DLG2: variants seen among roughly 807,000 people sequenced by gnomAD.
DLG2 encodes the protein discs large MAGUK scaffold protein 2.
DLG2 carries 45 observed loss-of-function variants against 132.5 expected under a neutral mutation model. The observed-to-expected ratio is 0.34, with a 90% CI of 0.27 to 0.44. DLG2 has a LOEUF of 0.44. Among genes scored for constraint, DLG2 ranks in the 20% least tolerant of loss-of-function variants. The pLI is 1.00. For missense variants in DLG2, 1,045 were observed against 1,196.9 expected (o/e 0.87, Z 1.87); for synonymous variants, 424 against 419.6 (o/e 1.01, Z -0.13).
In DLG2 at chr11:85,598,772, T is replaced by C; in HGVS notation, c.-76A>G. The stretch of plus-strand genomic sequence containing the variant: ...TTTTGCAGTATTCTTCCAGTAATGA[T>C]AAAGCTCGGTCAGTATCTGAAAAAC... On this transcript the variant is annotated 5_prime_UTR_variant, in exon 3 of 28. Coordinates refer to ENST00000376104, the MANE Select transcript of DLG2 (RefSeq NM_001142699.3). The C allele has an allele frequency of 1.7e-6, 2 of 1,202,086 alleles. No individual in the cohort carries two copies. The highest frequency in any genetic ancestry group is 2.3e-6 in the Non-Finnish European group (2 of 857,298). 74.5% of individuals were successfully genotyped at this position (1,202,086 alleles called of 1,614,324 possible).
At chr11:84,017,186 TAAA>T (rs1266319398) in intron 11 of DLG2, among the ~76,000 whole-genome samples, 4 of 152,064 alleles carry the variant, frequency 2.6e-5, no homozygotes, top group Non-Finnish European at 5.9e-5. Context: ...CAATGAATTT[TAAA>T]AAGGGGTATT....
Position 83,965,312 on chromosome 11 carries a change from A to C in DLG2, c.1201+12T>G. 4 of 1,596,302 alleles carry C rather than the reference A, an allele frequency of 2.5e-6. No individual in the cohort carries two copies. On this transcript the variant is annotated intron_variant, in intron 13 of 27. Transcript: ENST00000376104. The stretch of plus-strand genomic sequence containing the variant: ...GTCTGGCATGCTATTTGAAGATGAC[A>C]ATGGTACTTACAGTGAGTAATATCA...
intron 6 of DLG2, among the ~76,000 whole-genome samples, chr11:85,097,524 T>C (rs2070065966): frequency 6.6e-6 from 1 of 152,244 alleles, no homozygotes; most frequent in African/African-American, 2.4e-5. Flanking sequence ...ATAATGGTGA[T>C]GAGCTATAGA....
rs530792530 is a variant in DLG2, at chr11:85,510,444, T to C, written c.40+88213A>G. Among the ~76,000 whole-genome samples the C allele has an allele frequency of 2.0e-5, 3 of 152,022 alleles. No homozygotes were observed. In the South Asian group the frequency reaches 6.2e-4, roughly 32 times the overall value. Reference sequence around the variant, plus strand: ...CAGAGTGAACAGGCAACCTACAGAATGGGAGAAAATTCTTGCAACCTACTC... The same window carrying C: ...CAGAGTGAACAGGCAACCTACAGAACGGGAGAAAATTCTTGCAACCTACTC... On this transcript the variant is annotated intron_variant, in intron 3 of 27. Coordinates refer to ENST00000376104, the MANE Select transcript of DLG2 (RefSeq NM_001142699.3).
chr11:84,150,456 T>C (rs1007480021), intron 9 of DLG2, among the ~76,000 whole-genome samples: 1 of 152,210 alleles, frequency 6.6e-6, no homozygotes, highest in Non-Finnish European at 1.5e-5. Flanking sequence ...TCATCAGTTC[T>C]AGGAGCTTTT....
At chr11:85,387,540 A>G (rs2086446440) in intron 3 of DLG2, among the ~76,000 whole-genome samples, 1 of 152,208 alleles carries the variant, frequency 6.6e-6, no homozygotes, top group Non-Finnish European at 1.5e-5. Context: ...TAGCCATGTC[A>G]GCTGACAAAT....
chr11:85,056,351 TA>T lies in DLG2; in HGVS notation c.357+55309del, dbSNP rs530208991. 3.2e-4 allele frequency among the ~76,000 whole-genome samples: 48 copies of T among 152,048 alleles called. No individual in the cohort carries two copies. In the South Asian group the frequency reaches 8.7e-3, roughly 28 times the overall value. ...AAAGAATCAATGAAAATTCAAAAAC[TA>T]AAAAATTCAATAAGTGAAATTCAGA... is the stretch of plus-strand genomic sequence containing the variant. On this transcript the variant is annotated intron_variant, in intron 6 of 27. Transcript: ENST00000376104.
intron 3 of DLG2, chr11:85,286,080 A>C (rs1191445797): frequency 2.3e-6 from 1 of 443,780 alleles, no homozygotes; most frequent in Admixed American, 2.6e-5. Context: ...GTCAACAGGA[A>C]AAAAAAAGTA....
In DLG2 at chr11:85,410,247, C is replaced by T. The variant is rs941855481; in HGVS notation, c.41-124882G>A. On this transcript the variant is annotated intron_variant, in intron 3 of 27. Transcript: ENST00000376104. Reference sequence around the variant, plus strand: ...CACCTCATTTTTTATATTACAGATACACTGCATTTCATCTTCTTCAAAGTG... The same window carrying T: ...CACCTCATTTTTTATATTACAGATATACTGCATTTCATCTTCTTCAAAGTG... Among the ~76,000 whole-genome samples the T allele has an allele frequency of 4.6e-5, 7 of 151,924 alleles. No homozygotes were observed. The South Asian group carries it at 6.2e-4, about 13-fold the overall frequency.
chr11:84,351,954 C>A (rs766970231), intron 7 of DLG2, among the ~76,000 whole-genome samples: 32 of 152,122 alleles, frequency 2.1e-4, no homozygotes, highest in Non-Finnish European at 4.0e-4. Context: ...ATTAGGATTG[C>A]TAGATTCAGA....
intron 11 of DLG2, among the ~76,000 whole-genome samples, chr11:84,040,538 C>T (rs975848937): frequency 4.0e-4 from 61 of 151,958 alleles, no homozygotes; most frequent in Middle Eastern, 6.8e-3. Context: ...TGTAGATATG[C>T]GGCATTATTT....
intron 15 of DLG2, among the ~76,000 whole-genome samples, chr11:83,889,510 G>A (rs941869924): frequency 1.3e-5 from 2 of 152,200 alleles, no homozygotes; most frequent in African/African-American, 4.8e-5. Flanking sequence ...CTGTTGGTGG[G>A]ACTGTAAACT....
chr11:83,933,144 C>T (rs1427603264), intron 14 of DLG2, among the ~76,000 whole-genome samples: 1 of 152,194 alleles, frequency 6.6e-6, no homozygotes, highest in Non-Finnish European at 1.5e-5. Flanking sequence ...TCACTGAAAT[C>T]TGGGTGGCAG....
At chr11:84,987,108 T>C (rs1199394075) in intron 6 of DLG2, among the ~76,000 whole-genome samples, 3 of 152,128 alleles carry the variant, frequency 2.0e-5, no homozygotes, top group Non-Finnish European at 2.9e-5. Flanking sequence ...AGCACTTCTG[T>C]ACACCAACAG....
At chr11:84,626,095 CTATTATCTTT>C (rs1400035038) in intron 6 of DLG2, among the ~76,000 whole-genome samples, 1 of 152,156 alleles carries the variant, frequency 6.6e-6, no homozygotes, top group African/African-American at 2.4e-5. Context: ...TGATTCAGAT[CTATTATCTTT>C]TATTATGAAA....
intron 4 of DLG2, among the ~76,000 whole-genome samples, chr11:85,223,607 C>A (rs2074796498): frequency 6.6e-6 from 1 of 152,012 alleles, no homozygotes; most frequent in East Asian, 1.9e-4. Context: ...CCACTGCACT[C>A]CAGTTTGGGC....
At chr11:84,593,264 A>G (rs763323343) in intron 6 of DLG2, among the ~76,000 whole-genome samples, 1 of 152,190 alleles carries the variant, frequency 6.6e-6, no homozygotes, top group Non-Finnish European at 1.5e-5. Context: ...AGAACCAGAA[A>G]TACCATTTGA....
chr11:83,551,038 G>T (rs1303331468), intron 19 of DLG2, among the ~76,000 whole-genome samples: 2 of 152,160 alleles, frequency 1.3e-5, no homozygotes, highest in African/African-American at 2.4e-5. Context: ...GGTAAACTCA[G>T]ATAGTCCTGG....
intron 7 of DLG2, among the ~76,000 whole-genome samples, chr11:84,403,245 C>T (rs190350409): frequency 3.3e-5 from 5 of 152,214 alleles, no homozygotes; most frequent in Non-Finnish European, 5.9e-5. Context: ...CTATTCATGG[C>T]ATGTAGGCAA....
Sources: gnomAD v4.1 joint callset for allele counts (sites outside exome capture counted in the v4.1 genomes callset) on GRCh38, gnomAD v4.1.1 for gene constraint, MANE v1.5 for transcripts, NCBI Gene and HGNC (gene_info 2026-07-23, HGNC 2026-07-21) for gene names.